Variants in CDNF observed in about 807,000 individuals in gnomAD.
The protein encoded by CDNF is cerebral dopamine neurotrophic factor.
A neutral mutation model predicts 14.8 loss-of-function variants in CDNF; 9 were observed. The observed-to-expected ratio is 0.61, with a 90% confidence interval of 0.37 to 1.06. The LOEUF is 1.06. CDNF is among the 50% of genes least tolerant of loss of function. CDNF has a pLI of 0.01. For synonymous variants in CDNF, 86 were observed against 87.2 expected (o/e 0.99, Z 0.07); for missense variants, 228 against 228.4 (o/e 1.00, Z 0.01).
At chr10:14,832,117 T>A (rs1001232710) in intron 1 of CDNF, among the ~76,000 whole-genome samples, 1 of 152,106 alleles carries the variant, frequency 6.6e-6, no homozygotes, top group Non-Finnish European at 1.5e-5. Flanking sequence ...GGTGACAAGG[T>A]AATAGTACGA....
intron 2 of CDNF, among the ~76,000 whole-genome samples, chr10:14,826,089 AAGAAGAAGCAGCAGCAGCAGC>A (rs1312463446): frequency 5.3e-4 from 66 of 125,472 alleles, no homozygotes; most frequent in Middle Eastern, 4.1e-3. Flanking sequence ...GAAGAAGAAG[AAGAAGAAGCAGCAGCAGCAGC>A]AGCAGCAGCA....
At chr10:14,824,127 T>G (rs549142484) in intron 3 of CDNF, among the ~76,000 whole-genome samples, 17 of 152,310 alleles carry the variant, frequency 1.1e-4, no homozygotes, top group Admixed American at 1.0e-3. Flanking sequence ...ATGTAATGCA[T>G]GCAAAACAAT....
intron 1 of CDNF, among the ~76,000 whole-genome samples, chr10:14,835,199 T>C (rs1319047636): frequency 2.6e-5 from 4 of 152,162 alleles, no homozygotes; most frequent in Non-Finnish European, 4.4e-5. Flanking sequence ...TCTGAGACTC[T>C]AGAAAGGTCA....
At chr10:14,820,959 G>A (rs952204128) in intron 3 of CDNF, among the ~76,000 whole-genome samples, 1 of 151,956 alleles carries the variant, frequency 6.6e-6, no homozygotes, top group Non-Finnish European at 1.5e-5. Flanking sequence ...CCCCCTTTGC[G>A]CTCTTCCTCT....
At chr10:14,834,760 G>T (rs1833873068) in intron 1 of CDNF, among the ~76,000 whole-genome samples, 1 of 152,150 alleles carries the variant, frequency 6.6e-6, no homozygotes, top group African/African-American at 2.4e-5. Flanking sequence ...GAAAACAAAG[G>T]AGCGGCACCT....
At chr10:14,836,944 C>A (rs1040105975) in intron 1 of CDNF, among the ~76,000 whole-genome samples, 1 of 151,902 alleles carries the variant, frequency 6.6e-6, no homozygotes, top group South Asian at 2.1e-4. Context: ...AAAACAAAAA[C>A]AAAAAACAAA....
intron 1 of CDNF, among the ~76,000 whole-genome samples, chr10:14,833,807 A>G (rs903653343): frequency 6.6e-6 from 1 of 152,180 alleles, no homozygotes; most frequent in African/African-American, 2.4e-5. Flanking sequence ...AATTGGGAAG[A>G]TGGAAAACAA....
At chr10:14,826,029 G>GAGAAGGAGAAGAAGAAGAAGAAGAAGA (rs1554764000) in intron 2 of CDNF, among the ~76,000 whole-genome samples, 5 of 86,208 alleles carry the variant, frequency 5.8e-5, no homozygotes, top group African/African-American at 2.1e-4. Flanking sequence ...GAAGAAGAAG[G>GAGAAGGAGAAGAAGAAGAAGAAGAAGA]AGAAGAAGAA....
At chr10:14,821,735 A>G (rs1330284889) in intron 3 of CDNF, among the ~76,000 whole-genome samples, 1 of 152,212 alleles carries the variant, frequency 6.6e-6, no homozygotes, top group Non-Finnish European at 1.5e-5. Flanking sequence ...GTTTACTACC[A>G]TTTGGAGCAT....
chr10:14,822,571 CAA>C (rs879883884), intron 3 of CDNF, among the ~76,000 whole-genome samples: 9 of 135,924 alleles, frequency 6.6e-5, no homozygotes, highest in African/African-American at 1.9e-4. Flanking sequence ...GTGAGACTGT[CAA>C]AAAAAAAAAA....
chr10:14,824,392 G>A (rs915775809), intron 3 of CDNF, among the ~76,000 whole-genome samples: 8 of 152,278 alleles, frequency 5.3e-5, no homozygotes, highest in Middle Eastern at 3.4e-3. Flanking sequence ...GATCACCTGA[G>A]GTCAGGAGTT....
At chr10:14,832,776 C>T (rs1250821630) in intron 1 of CDNF, among the ~76,000 whole-genome samples, 1 of 151,666 alleles carries the variant, frequency 6.6e-6, no homozygotes, top group Non-Finnish European at 1.5e-5. Context: ...CGTGGAGTTG[C>T]CATCTGCTGA....
intron 3 of CDNF, among the ~76,000 whole-genome samples, chr10:14,823,053 G>C (rs1264396462): frequency 6.6e-6 from 1 of 152,168 alleles, no homozygotes; most frequent in Non-Finnish European, 1.5e-5. Context: ...TTTTAAAGTA[G>C]AAACTTGCAT....
rs574049362 is a variant in CDNF, at chr10:14,831,446, T to C, written c.116-3174A>G. ...TAGATGACTGGCCAATCATGTCATC[T>C]TTTAGAGCTTAAAGTCATATATATA... On this transcript the variant is annotated intron_variant, in intron 1 of 3. Coordinates refer to ENST00000465530, the MANE Select transcript of CDNF (RefSeq NM_001029954.3). Among the ~76,000 whole-genome samples, 13 of 150,600 alleles carry C rather than the reference T, an allele frequency of 8.6e-5. No homozygotes were observed. The East Asian group carries it at 1.9e-3, about 22-fold the overall frequency.
chr10:14,822,497 A>C (rs946190522), intron 3 of CDNF, among the ~76,000 whole-genome samples: 4 of 151,854 alleles, frequency 2.6e-5, no homozygotes, highest in Non-Finnish European at 4.4e-5. Flanking sequence ...AATCTCTTGA[A>C]CCCAGGAGGC....
intron 1 of CDNF, among the ~76,000 whole-genome samples, chr10:14,829,209 T>C (rs1833823741): frequency 6.6e-6 from 1 of 152,214 alleles, no homozygotes; most frequent in Non-Finnish European, 1.5e-5. Context: ...AAATAGGCTA[T>C]CATCTTGGGA....
chr10:14,827,856 C>A (rs187654798), intron 2 of CDNF, among the ~76,000 whole-genome samples: 3 of 152,240 alleles, frequency 2.0e-5, no homozygotes, highest in Admixed American at 2.0e-4. Flanking sequence ...GATGATACTG[C>A]ACTCTAGCCT....
intron 3 of CDNF, among the ~76,000 whole-genome samples, chr10:14,824,343 C>T (rs911681505): frequency 3.3e-5 from 5 of 152,116 alleles, no homozygotes; most frequent in Admixed American, 1.3e-4. Context: ...TGGTGGCTTA[C>T]GCCTGTCATC....
chr10:14,825,801 C>A (rs1284010614), intron 2 of CDNF, among the ~76,000 whole-genome samples, 181 bp from the exon 3 acceptor site: 1 of 151,820 alleles, frequency 6.6e-6, no homozygotes, highest in Non-Finnish European at 1.5e-5. Context: ...GAGTTCTAGA[C>A]CAGCCTGGTC....
Sources: gnomAD v4.1 joint callset for allele counts (sites outside exome capture counted in the v4.1 genomes callset) on GRCh38, gnomAD v4.1.1 for gene constraint, MANE v1.5 for transcripts, NCBI Gene and HGNC (gene_info 2026-07-23, HGNC 2026-07-21) for gene names.